Variants in RBM20 observed in about 807,000 individuals in gnomAD.
RBM20 encodes the protein RNA-binding protein 20.
A neutral mutation model predicts 110.1 loss-of-function variants in RBM20; 51 were observed. The observed-to-expected ratio is 0.46, with a 90% CI of 0.37 to 0.59. The LOEUF (loss-of-function observed/expected upper bound fraction) is 0.59, where lower values mean the gene tolerates loss of function less well. RBM20 is among the 20% of genes least tolerant of loss of function. The probability of loss-of-function intolerance (pLI) is 0.00; values close to 1 mark genes in which losing one functional copy is unlikely to be tolerated. For missense variants in RBM20, 1,512 were observed against 1,574.9 expected (o/e 0.96, Z 0.68); for synonymous variants, 589 against 618.2 (o/e 0.95, Z 0.70).
At chr10:110,680,194 G>A (rs1307622083) in intron 1 of RBM20, among the ~76,000 whole-genome samples, 2 of 152,258 alleles carry the variant, frequency 1.3e-5, no homozygotes, top group East Asian at 3.9e-4. Context: ...GAATGTTCTT[G>A]GTGGGGGCGG....
At position 110,734,844 on chromosome 10, in the gene RBM20, G is replaced by A. The variant is rs547807945; in HGVS notation, c.192-45957G>A. Among the ~76,000 whole-genome samples, 9 of 152,056 alleles carry A rather than the reference G, an allele frequency of 5.9e-5. No individual in the cohort carries two copies. In the South Asian group the frequency reaches 1.9e-3, roughly 32 times the overall value. The stretch of plus-strand genomic sequence containing the variant: ...ACTTTCCACAGTTTTAGCGACTTTT[G>A]GTCAACTACAATCTGAAAACGTTAA... On this transcript the variant is annotated intron_variant, in intron 1 of 13. Coordinates refer to ENST00000369519, the MANE Select transcript of RBM20 (RefSeq NM_001134363.3).
At chr10:110,736,687 C>A (rs945561166) in intron 1 of RBM20, among the ~76,000 whole-genome samples, 1 of 152,104 alleles carries the variant, frequency 6.6e-6, no homozygotes, top group East Asian at 1.9e-4. Context: ...CTATTGAGAT[C>A]CACCACCACC....
intron 1 of RBM20, among the ~76,000 whole-genome samples, chr10:110,714,409 G>T (rs1204020680): frequency 6.6e-6 from 1 of 152,226 alleles, no homozygotes; most frequent in Non-Finnish European, 1.5e-5. Flanking sequence ...TGCAGTGGTT[G>T]TAGTCATACT....
intron 1 of RBM20, among the ~76,000 whole-genome samples, chr10:110,776,887 A>T (rs563953506): frequency 6.7e-6 from 1 of 149,796 alleles, no homozygotes; most frequent in East Asian, 1.9e-4. Flanking sequence ...GGGAAATTGT[A>T]GATAGTGACC....
chr10:110,812,153 G>C (rs1270051494), intron 8 of RBM20, 125 bp from the exon 9 acceptor site: 1 of 858,232 alleles, frequency 1.2e-6, no homozygotes, highest in Non-Finnish European at 1.8e-6. Context: ...CTGTAGAGTT[G>C]GGAGTTAAGA....
chr10:110,836,137 T>G lies in RBM20; in HGVS notation c.*159T>G, dbSNP rs1231617847. Reference sequence around the variant, plus strand: ...GCTTGTTCCCAGAGACTCAGTGAAATGCCCCTGATATGTCTCCAGGAGCAA... The same window carrying G: ...GCTTGTTCCCAGAGACTCAGTGAAAGGCCCCTGATATGTCTCCAGGAGCAA... On this transcript the variant is annotated 3_prime_UTR_variant, in exon 14 of 14. Transcript: ENST00000369519. 2.0e-6 allele frequency: 1 copy of G among 508,384 alleles called. No homozygotes were observed. Among genetic ancestry groups the G allele is most frequent in the Non-Finnish European group, 3.5e-6 (1 of 287,872 alleles). 31.5% of individuals were successfully genotyped at this position (508,384 alleles called of 1,614,324 possible).
intron 1 of RBM20, among the ~76,000 whole-genome samples, chr10:110,666,595 A>T (rs913444070): frequency 6.6e-6 from 1 of 152,166 alleles, no homozygotes; most frequent in East Asian, 1.9e-4. Flanking sequence ...GCAGTGAGCT[A>T]TGATTATACC....
chr10:110,701,558 T>A (rs1300300611), intron 1 of RBM20, among the ~76,000 whole-genome samples: 2 of 152,194 alleles, frequency 1.3e-5, no homozygotes, highest in African/African-American at 4.8e-5. Context: ...CCAGCCCTCC[T>A]TTGCCTTATC....
At chr10:110,814,590 G>C (rs577805892) in intron 9 of RBM20, among the ~76,000 whole-genome samples, 1 of 152,078 alleles carries the variant, frequency 6.6e-6, no homozygotes, top group Non-Finnish European at 1.5e-5. Context: ...CTGCCTCCTA[G>C]GTTCAAGCAA....
At position 110,761,115 on chromosome 10, in the gene RBM20, A is replaced by AT. The variant is rs372225784; in HGVS notation, c.192-19686_192-19685insT. Reference sequence around the variant, plus strand: ...TCCATCTCAAAAAAAAAAAAAAAAAAGAAAAGAGAAAAGAAAAGAAAAATT... The same window carrying AT: ...TCCATCTCAAAAAAAAAAAAAAAAAATGAAAAGAGAAAAGAAAAGAAAAATT... On this transcript the variant is annotated intron_variant, in intron 1 of 13. Transcript: ENST00000369519. 6.0e-4 allele frequency: 69 copies of AT among 115,006 alleles called. 1 individual carries two copies. In the East Asian group the frequency reaches 0.016, roughly 26 times the overall value. The allele number at this position is 115,006 out of a possible 1,614,324, so 7.1% of individuals were successfully genotyped here.
intron 1 of RBM20, among the ~76,000 whole-genome samples, chr10:110,716,164 C>T (rs1863013224): frequency 6.6e-6 from 1 of 152,204 alleles, no homozygotes; most frequent in Non-Finnish European, 1.5e-5. Context: ...GTGTGAAGGT[C>T]TTGGTCTTTT....
At chr10:110,779,137 C>G (rs950556149) in intron 1 of RBM20, among the ~76,000 whole-genome samples, 1 of 152,170 alleles carries the variant, frequency 6.6e-6, no homozygotes, top group Non-Finnish European at 1.5e-5. Flanking sequence ...AATAAGCTGA[C>G]AAATGTCTGG....
chr10:110,765,763 G>T (rs1241155307), intron 1 of RBM20, among the ~76,000 whole-genome samples: 1 of 152,038 alleles, frequency 6.6e-6, no homozygotes, highest in African/African-American at 2.4e-5. Context: ...CTTATATCAC[G>T]GAGATTTTTT....
chr10:110,679,858 A>G (rs1862397248), intron 1 of RBM20, among the ~76,000 whole-genome samples: 1 of 152,206 alleles, frequency 6.6e-6, no homozygotes, highest in Non-Finnish European at 1.5e-5. Flanking sequence ...CAGACCCAGC[A>G]CACAGATGGC....
At chr10:110,793,522 G>T (rs929828007) in intron 5 of RBM20, among the ~76,000 whole-genome samples, 1 of 152,200 alleles carries the variant, frequency 6.6e-6, no homozygotes, top group African/African-American at 2.4e-5. Context: ...CCTCAGAACC[G>T]GAAGAGGTTC....
At chr10:110,805,861 A>G (rs528228081) in intron 7 of RBM20, among the ~76,000 whole-genome samples, 21 of 152,358 alleles carry the variant, frequency 1.4e-4, no homozygotes, top group Admixed American at 1.3e-3. Context: ...AATCATTGTC[A>G]TCACAGAATG....
At chr10:110,716,541 GA>G (rs1165267255) in intron 1 of RBM20, among the ~76,000 whole-genome samples, 1 of 152,288 alleles carries the variant, frequency 6.6e-6, no homozygotes, top group Non-Finnish European at 1.5e-5. Flanking sequence ...CAGTGTACAA[GA>G]AACAATGATC....
At chr10:110,666,876 A>G (rs1448957387) in intron 1 of RBM20, among the ~76,000 whole-genome samples, 3 of 152,228 alleles carry the variant, frequency 2.0e-5, no homozygotes, top group South Asian at 2.1e-4. Context: ...AAGAACAAAA[A>G]CTGCCACCAA....
chr10:110,778,519 T>C (rs1192618234), intron 1 of RBM20, among the ~76,000 whole-genome samples: 6 of 152,238 alleles, frequency 3.9e-5, no homozygotes, highest in African/African-American at 4.8e-5. Flanking sequence ...GGATTTTTAC[T>C]GTACAGAACC....
Sources: allele counts gnomAD v4.1 joint callset (sites outside exome capture counted in the v4.1 genomes callset), GRCh38; gene constraint gnomAD v4.1.1; transcripts MANE v1.5; gene names NCBI Gene and HGNC (gene_info 2026-07-23, HGNC 2026-07-21).